Variants in PPP2R2B observed in about 807,000 individuals in gnomAD.
PPP2R2B encodes the protein serine/threonine-protein phosphatase 2A 55 kDa regulatory subunit B beta isoform.
Under a neutral mutation model 46.0 loss-of-function variants are expected in PPP2R2B, and 5 were observed. That is an observed-to-expected ratio of 0.11 (90% CI 0.06 to 0.23). PPP2R2B has a LOEUF of 0.23. PPP2R2B is among the 10% of genes least tolerant of loss of function. The probability of loss-of-function intolerance (pLI) is 1.00; values close to 1 mark genes in which losing one functional copy is unlikely to be tolerated. For missense variants in PPP2R2B, 367 were observed against 575.0 expected (o/e 0.64, Z 3.70); for synonymous variants, 215 against 206.7 (o/e 1.04, Z -0.34).
intron 7 of PPP2R2B, among the ~76,000 whole-genome samples, chr5:146,630,883 A>G (rs1774380624): frequency 6.6e-6 from 1 of 152,204 alleles, no homozygotes; most frequent in Admixed American, 6.5e-5. Context: ...TAAGGTAAAT[A>G]CTTTCATGAC....
intron 2 of PPP2R2B, among the ~76,000 whole-genome samples, chr5:146,753,111 G>A (rs1753649111): frequency 6.6e-6 from 1 of 152,164 alleles, no homozygotes; most frequent in Admixed American, 6.5e-5. Context: ...GCTTAGCTGG[G>A]TTCAGAACCT....
intron 7 of PPP2R2B, among the ~76,000 whole-genome samples, chr5:146,621,984 G>T (rs1203150942): frequency 1.3e-5 from 2 of 152,160 alleles, no homozygotes; most frequent in East Asian, 3.9e-4. Context: ...AGCAGGTTCT[G>T]TAGAAACACA....
At chr5:146,695,523 T>G (rs1779128942) in intron 4 of PPP2R2B, among the ~76,000 whole-genome samples, 2 of 152,252 alleles carry the variant, frequency 1.3e-5, no homozygotes, top group Admixed American at 1.3e-4. Context: ...CTAACTATAA[T>G]AAGATAAGCA....
At chr5:147,032,111 C>A (rs1755812762) in intron 1 of PPP2R2B, among the ~76,000 whole-genome samples, 1 of 152,140 alleles carries the variant, frequency 6.6e-6, no homozygotes, top group Non-Finnish European at 1.5e-5. Context: ...AAACAGACAA[C>A]CTATAGACTG....
At chr5:146,864,461 A>G (rs1761191471) in intron 2 of PPP2R2B, among the ~76,000 whole-genome samples, 1 of 150,918 alleles carries the variant, frequency 6.6e-6, no homozygotes, top group South Asian at 2.1e-4. Flanking sequence ...ACCCCATGAG[A>G]GACTAGCTCA....
chr5:147,033,003 T>C (rs377518483), intron 1 of PPP2R2B, among the ~76,000 whole-genome samples: 1 of 152,216 alleles, frequency 6.6e-6, no homozygotes, highest in African/African-American at 2.4e-5. Flanking sequence ...AAGTGTTCCC[T>C]GTTCACTGCA....
At chr5:146,693,286 T>C (rs4385260) in intron 4 of PPP2R2B, among the ~76,000 whole-genome samples, 34,869 of 151,708 alleles carry the variant, frequency 0.23, 4,966 homozygotes, top group African/African-American at 0.41. Flanking sequence ...GAGATCATGG[T>C]TCACTGCAGC....
chr5:146,792,876 C>A (rs919032012), intron 2 of PPP2R2B, among the ~76,000 whole-genome samples: 1 of 152,046 alleles, frequency 6.6e-6, no homozygotes, highest in African/African-American at 2.4e-5. Flanking sequence ...CATAAGGGCC[C>A]TTTTTTACAC....
chr5:147,053,534 C>T (rs1365705315), intron 1 of PPP2R2B, among the ~76,000 whole-genome samples: 1 of 80,784 alleles, frequency 1.2e-5, no homozygotes, highest in Non-Finnish European at 2.9e-5. Context: ...GACACGATTG[C>T]CAACAATATA....
chr5:147,039,212 A>G (rs1756182988), intron 1 of PPP2R2B, among the ~76,000 whole-genome samples: 1 of 151,916 alleles, frequency 6.6e-6, no homozygotes, highest in African/African-American at 2.4e-5. Flanking sequence ...GTAGCCCATC[A>G]CCCCTCAGTC....
chr5:146,600,055 A>G (rs1771624305), intron 8 of PPP2R2B, among the ~76,000 whole-genome samples: 1 of 152,216 alleles, frequency 6.6e-6, no homozygotes, highest in Admixed American at 6.5e-5. Flanking sequence ...GTTTACCTCT[A>G]TAGTGTCCAT....
At chr5:146,749,737 T>G (rs1753432111) in intron 2 of PPP2R2B, among the ~76,000 whole-genome samples, 1 of 150,544 alleles carries the variant, frequency 6.6e-6, no homozygotes, top group Non-Finnish European at 1.5e-5. Context: ...TAGCTGGGAC[T>G]ACAGGCGCCT....
At chr5:146,647,040 G>A (rs563789363) in intron 6 of PPP2R2B, among the ~76,000 whole-genome samples, 5 of 152,218 alleles carry the variant, frequency 3.3e-5, no homozygotes, top group South Asian at 2.1e-4. Context: ...GTTCTCAACC[G>A]TAATGCCAAA....
At chr5:146,936,811 T>C (rs1318415224) in intron 1 of PPP2R2B, among the ~76,000 whole-genome samples, 1 of 151,848 alleles carries the variant, frequency 6.6e-6, no homozygotes, top group Non-Finnish European at 1.5e-5. Context: ...AGACATACTC[T>C]AAGCCCTCCC....
chr5:146,624,147 T>C (rs1009314658), intron 7 of PPP2R2B, among the ~76,000 whole-genome samples: 5 of 152,194 alleles, frequency 3.3e-5, no homozygotes, highest in African/African-American at 1.2e-4. Context: ...GAAGAGATAC[T>C]GCAAACTTAC....
chr5:146,691,167 C>A lies in PPP2R2B; in HGVS notation c.408G>T (p.Glu136Asp), dbSNP rs772305092. The change falls in exon 5 of 10, where the codon GAG becomes GAT. Residue 136 changes from glutamate (E) to aspartate (D), a missense_variant. Glu to Asp is a conservative substitution (Grantham distance 45). Coordinates refer to ENST00000394411, the MANE Select transcript of PPP2R2B (RefSeq NM_181675.4). Reference sequence around the variant, plus strand: ...TGGTGGCAGGATCCCGGAGCCGGCCCTCCTCATCTTTCAGATTGTAGCCTT... The same window carrying A: ...TGGTGGCAGGATCCCGGAGCCGGCCATCCTCATCTTTCAGATTGTAGCCTT... ...RPEGYNLKDE[E>D]GRLRDPATIT... 4 of 1,614,218 alleles carry A rather than the reference C, an allele frequency of 2.5e-6. No homozygotes were observed. Among genetic ancestry groups the A allele is most frequent in the Non-Finnish European group, 3.4e-6 (4 of 1,180,038 alleles).
intron 5 of PPP2R2B, among the ~76,000 whole-genome samples, chr5:146,686,734 A>C (rs141673303): frequency 1.3e-5 from 2 of 152,294 alleles, no homozygotes; most frequent in African/African-American, 4.8e-5. Flanking sequence ...GGGCACTGGC[A>C]GCTGATAATA....
chr5:147,074,035 CAAA>C (rs1187876886), intron 2 of PPP2R2B, among the ~76,000 whole-genome samples: 5 of 113,810 alleles, frequency 4.4e-5, no homozygotes, highest in Admixed American at 9.6e-5. Flanking sequence ...GGCTCTGTCT[CAAA>C]AAAAAAAAAA....
At chr5:146,661,190 G>T (rs1776643270) in intron 5 of PPP2R2B, among the ~76,000 whole-genome samples, 1 of 152,210 alleles carries the variant, frequency 6.6e-6, no homozygotes, top group Admixed American at 6.5e-5. Flanking sequence ...TGGCATCCGT[G>T]TGCAGGAGCT....
Sources: gnomAD v4.1 joint callset for allele counts (sites outside exome capture counted in the v4.1 genomes callset) on GRCh38, gnomAD v4.1.1 for gene constraint, MANE v1.5 for transcripts, NCBI Gene and HGNC (gene_info 2026-07-23, HGNC 2026-07-21) for gene names.